Variants in GDF10 observed in about 807,000 individuals in gnomAD.
The protein encoded by GDF10 is growth differentiation factor 10.
GDF10 carries 23 observed loss-of-function variants against 32.1 expected under a neutral mutation model. The ratio of observed to expected loss-of-function variants is 0.72; its 90% CI spans 0.52 to 1.02. The LOEUF (loss-of-function observed/expected upper bound fraction) is 1.02, where lower values mean the gene tolerates loss of function less well. Ranked by LOEUF, GDF10 falls within the 50% of genes least tolerant of loss-of-function variation. The probability of loss-of-function intolerance (pLI) is 0.00; values close to 1 mark genes in which losing one functional copy is unlikely to be tolerated. For synonymous variants in GDF10, 328 were observed against 303.1 expected, an observed-to-expected ratio of 1.08 and a Z score of -0.85; for missense variants, 764 against 673.9, an observed-to-expected ratio of 1.13 and a Z score of -1.48.
chr10:47,301,927 G>A (rs2061006303), intron 1 of GDF10, among the ~76,000 whole-genome samples: 1 of 152,078 alleles, frequency 6.6e-6, no homozygotes, highest in South Asian at 2.1e-4. Flanking sequence ...GACAGCCTGG[G>A]GTCAGATCTG....
rs2061053112 is a variant in GDF10, at chr10:47,313,139, T to A, written c.*347T>A. On this transcript the variant is annotated 3_prime_UTR_variant, in exon 3 of 3. Transcript: ENST00000580279. ...TAACTGAGCAAGAAGACTATGCAAA[T>A]CTTAGGGCGCTCGCTCCCTGCACAC... 2 of 178,274 alleles carry A rather than the reference T, an allele frequency of 1.1e-5. No individual in the cohort carries two copies. The highest frequency in any genetic ancestry group is 2.3e-5 in the Non-Finnish European group (2 of 85,920). 11.0% of individuals were successfully genotyped at this position (178,274 alleles called of 1,614,324 possible).
rs966754017 is a variant in GDF10 at position 47,310,826 on chromosome 10, A to G, written c.1245+105A>G. The G allele has an allele frequency of 3.9e-6, 3 of 761,930 alleles. No individual in the cohort carries two copies. The Admixed American group carries it at 6.1e-5, about 15-fold the overall frequency. The allele number at this position is 761,930 out of a possible 1,614,324, so 47.2% of individuals were successfully genotyped here. A position where few individuals can be genotyped will look rare whatever the true frequency, so the allele number is the denominator to read the frequency against. ...CTGTTTCCCCATCTGCAAAATGGGA[A>G]TAACAGTACTTCCTATCTATTCCAG... is the stretch of plus-strand genomic sequence containing the variant. On this transcript the variant is annotated intron_variant, in intron 2 of 2. Transcript: ENST00000580279.
intron 1 of GDF10, among the ~76,000 whole-genome samples, chr10:47,304,732 A>G (rs1315923764): frequency 3.9e-5 from 6 of 152,174 alleles, no homozygotes; most frequent in Non-Finnish European, 8.8e-5. Context: ...TATGGATTAT[A>G]TTTTCAGCAT....
In GDF10 at chr10:47,300,512, G is replaced by T. The variant is rs143154964; in HGVS notation, c.-140G>T. 3.7e-4 allele frequency: 262 copies of T among 709,670 alleles called. 3 individuals are homozygous for T. In the African/African-American group the frequency reaches 4.8e-3, roughly 13 times the overall value. The allele number at this position is 709,670 out of a possible 1,614,324, so 44.0% of individuals were successfully genotyped here. ...TGCTCCGCTAAGCCCCTCGCCCCGC[G>T]CGGACCTCGGTATCCAGCGCCCTGC... On this transcript the variant is annotated 5_prime_UTR_variant, in exon 1 of 3. Transcript: ENST00000580279.
At chr10:47,305,250 T>C (rs1197029111) in intron 1 of GDF10, among the ~76,000 whole-genome samples, 4 of 152,236 alleles carry the variant, frequency 2.6e-5, no homozygotes, top group African/African-American at 9.6e-5. Flanking sequence ...ATAACTGTTC[T>C]GAGCCCTTGC....
intron 1 of GDF10, among the ~76,000 whole-genome samples, chr10:47,301,490 G>T (rs1357967932): frequency 6.6e-6 from 1 of 152,216 alleles, no homozygotes; most frequent in Admixed American, 6.5e-5. Context: ...CCACGGACTG[G>T]CATGAAGCGT....
chr10:47,301,109 C>T lies in GDF10; in HGVS notation c.319+139C>T, dbSNP rs557423972. On this transcript the variant is annotated intron_variant, in intron 1 of 2. Transcript: ENST00000580279. ...CATTCATTCTTTCACTAATGATTCA[C>T]TGATCTCTCCATGCCAGGCCCTGAA... 3 of 637,912 alleles carry T rather than the reference C, an allele frequency of 4.7e-6. No homozygotes were observed. The South Asian group carries it at 6.8e-5, about 15-fold the overall frequency. 39.5% of individuals were successfully genotyped at this position (637,912 alleles called of 1,614,324 possible).
chr10:47,303,402 G>A (rs1015941670), intron 1 of GDF10, among the ~76,000 whole-genome samples: 2 of 152,226 alleles, frequency 1.3e-5, no homozygotes. Context: ...GCCTCGTGGG[G>A]TCCAAATCCC....
chr10:47,303,965 T>C (rs533185847), intron 1 of GDF10, among the ~76,000 whole-genome samples: 3 of 152,256 alleles, frequency 2.0e-5, no homozygotes, highest in South Asian at 2.1e-4. Flanking sequence ...CAGATCAAAG[T>C]AAGCAGCAGA....
chr10:47,311,020 A>G (rs539476938), intron 2 of GDF10, among the ~76,000 whole-genome samples: 5 of 152,342 alleles, frequency 3.3e-5, no homozygotes, highest in Admixed American at 3.3e-4. Context: ...TTAGAAACGC[A>G]TCCCCACATA....
chr10:47,300,977 A>G lies in GDF10; in HGVS notation c.319+7A>G. The G allele has an allele frequency of 6.8e-7, 1 of 1,467,032 alleles. No homozygotes were observed. Among genetic ancestry groups the G allele is most frequent in the Non-Finnish European group, 9.0e-7 (1 of 1,114,082 alleles). The allele number at this position is 1,467,032 out of a possible 1,614,324, so 90.9% of individuals were successfully genotyped here. On this transcript the variant is annotated splice_region_variant and intron_variant, in intron 1 of 2. Transcript: ENST00000580279. Reference sequence around the variant, plus strand: ...AGCTTCAGGGCCAGGCTGGGTAAGTAGAGGGTGCCCCAGGACCCCTTCTCC... The same window carrying G: ...AGCTTCAGGGCCAGGCTGGGTAAGTGGAGGGTGCCCCAGGACCCCTTCTCC...
intron 1 of GDF10, among the ~76,000 whole-genome samples, chr10:47,305,992 A>G (rs1054200241): frequency 2.0e-5 from 3 of 152,278 alleles, no homozygotes; most frequent in African/African-American, 7.2e-5. Flanking sequence ...CACATGGAGG[A>G]GCAAAAGGCA....
intron 1 of GDF10, among the ~76,000 whole-genome samples, chr10:47,303,220 G>A (rs1390618640): frequency 6.6e-5 from 10 of 152,174 alleles, no homozygotes; most frequent in Non-Finnish European, 7.3e-5. Context: ...GCTCTGGTCC[G>A]AGAACATGCC....
At chr10:47,308,650 C>A (rs2061031763) in intron 1 of GDF10, among the ~76,000 whole-genome samples, 1 of 152,176 alleles carries the variant, frequency 6.6e-6, no homozygotes, top group African/African-American at 2.4e-5. Flanking sequence ...CCCACACACA[C>A]TTCCCGGGCT....
rs184414871 is a variant in GDF10 at position 47,307,392 on chromosome 10, C to T, written c.320-2404C>T. Among the ~76,000 whole-genome samples the T allele has an allele frequency of 1.8e-3, 277 of 152,306 alleles. 1 individual carries two copies. The highest frequency in any genetic ancestry group is 3.1e-3 in the Non-Finnish European group (212 of 68,032). ...CAGCACGCATCAGAGGAAATAATGA[C>T]GTTCTCTTCAATGCTTCTCTCTTAT... is the stretch of plus-strand genomic sequence containing the variant. On this transcript the variant is annotated intron_variant, in intron 1 of 2. Transcript: ENST00000580279.
chr10:47,301,535 C>G (rs2061004984), intron 1 of GDF10, among the ~76,000 whole-genome samples: 1 of 152,224 alleles, frequency 6.6e-6, no homozygotes, highest in South Asian at 2.1e-4. Flanking sequence ...GGCCCAGGGG[C>G]TTAGGCAGTG....
rs1555206706 is a variant in GDF10, at chr10:47,300,594, G to A, written c.-58G>A. Reference sequence around the variant, plus strand: ...GCGAGGTCAGTCCGCAGCCTCCGGTGCGCCAGCGCTCGCCTTCCTCCTCCT... The same window carrying A: ...GCGAGGTCAGTCCGCAGCCTCCGGTACGCCAGCGCTCGCCTTCCTCCTCCT... On this transcript the variant is annotated 5_prime_UTR_variant, in exon 1 of 3. Coordinates refer to ENST00000580279, the MANE Select transcript of GDF10 (RefSeq NM_004962.5). The A allele has an allele frequency of 2.0e-6, 3 of 1,478,954 alleles. No individual in the cohort carries two copies. The highest frequency in any genetic ancestry group is 1.5e-5 in the African/African-American group (1 of 68,342). The allele number at this position is 1,478,954 out of a possible 1,614,324, so 91.6% of individuals were successfully genotyped here.
chr10:47,309,092 C>G (rs2061033365), intron 1 of GDF10, among the ~76,000 whole-genome samples: 1 of 152,118 alleles, frequency 6.6e-6, no homozygotes, highest in African/African-American at 2.4e-5. Flanking sequence ...TTTACCTGGA[C>G]CTTGGAGATT....
chr10:47,303,701 T>C lies in GDF10; in HGVS notation c.319+2731T>C, dbSNP rs182667986. Among the ~76,000 whole-genome samples, 3 of 152,216 alleles carry C rather than the reference T, an allele frequency of 2.0e-5. No homozygotes were observed. In the East Asian group the frequency reaches 5.8e-4, roughly 29 times the overall value. The stretch of plus-strand genomic sequence containing the variant: ...AAGCCTATGAACCTGACCCTAAGGG[T>C]TAAGGTTAGACCACCCCTAATTCCC... On this transcript the variant is annotated intron_variant, in intron 1 of 2. Transcript: ENST00000580279.
Sources: gnomAD v4.1 joint callset for allele counts (sites outside exome capture counted in the v4.1 genomes callset) on GRCh38, gnomAD v4.1.1 for gene constraint, MANE v1.5 for transcripts, NCBI Gene and HGNC (gene_info 2026-07-23, HGNC 2026-07-21) for gene names.